TSHZ3: variants seen among roughly 807,000 people sequenced by gnomAD.
TSHZ3 encodes teashirt zinc finger homeobox 3, also known as teashirt homolog 3.
Under a neutral mutation model 64.5 loss-of-function variants are expected in TSHZ3, and 10 were observed. That is an observed-to-expected ratio of 0.16 (90% confidence interval 0.10 to 0.26). The LOEUF (loss-of-function observed/expected upper bound fraction) is 0.26. Ranked by LOEUF, TSHZ3 falls within the 10% of genes least tolerant of loss-of-function variation. The pLI, the probability that TSHZ3 is intolerant of heterozygous loss-of-function variation, is 1.00. For missense variants in TSHZ3, 1,242 were observed against 1,421.7 expected (o/e 0.87, Z 2.03); for synonymous variants, 608 against 593.1 (o/e 1.03, Z -0.36).
intron 4 of TSHZ3, among the ~76,000 whole-genome samples, chr19:31,218,515 T>C (rs571913139): frequency 1.3e-5 from 2 of 152,324 alleles, no homozygotes; most frequent in African/African-American, 2.4e-5. Context: ...AAACTAAATA[T>C]ACTCTTACCA....
intron 1 of TSHZ3, among the ~76,000 whole-genome samples, chr19:31,251,015 G>A (rs1050395039): frequency 6.6e-6 from 1 of 152,108 alleles, no homozygotes; most frequent in Non-Finnish European, 1.5e-5. Flanking sequence ...GGGAAGCTGA[G>A]GGTAGAGCCT....
chr19:31,224,687 G>A (rs1026168227), intron 4 of TSHZ3, among the ~76,000 whole-genome samples: 1 of 152,142 alleles, frequency 6.6e-6, no homozygotes, highest in Non-Finnish European at 1.5e-5. Context: ...TTGCTATTCA[G>A]CAGCCCCAGT....
At chr19:31,246,117 A>G (rs1256323281) in intron 1 of TSHZ3, among the ~76,000 whole-genome samples, 1 of 152,210 alleles carries the variant, frequency 6.6e-6, no homozygotes, top group Non-Finnish European at 1.5e-5. Context: ...AAAGTCTCCA[A>G]GAGTTTGTTT....
chr19:31,331,270 A>G (rs1214877363), intron 1 of TSHZ3, among the ~76,000 whole-genome samples: 1 of 152,184 alleles, frequency 6.6e-6, no homozygotes, highest in African/African-American at 2.4e-5. Context: ...AACCGCTCTC[A>G]TAGTAAGCAC....
intron 3 of TSHZ3, among the ~76,000 whole-genome samples, chr19:31,235,559 T>G (rs1350495118): frequency 6.6e-6 from 1 of 152,132 alleles, no homozygotes; most frequent in African/African-American, 2.4e-5. Context: ...TGTGTGTGTG[T>G]GTATCACATT....
At chr19:31,324,149 T>C (rs1027445333) in intron 1 of TSHZ3, among the ~76,000 whole-genome samples, 3 of 152,162 alleles carry the variant, frequency 2.0e-5, no homozygotes, top group Non-Finnish European at 4.4e-5. Flanking sequence ...CTACCATCAG[T>C]AGAGCAGGAA....
chr19:31,178,012 T>A (rs561790077), intron 5 of TSHZ3, among the ~76,000 whole-genome samples: 1 of 152,136 alleles, frequency 6.6e-6, no homozygotes, highest in Admixed American at 6.5e-5. Context: ...GTGTAGACAA[T>A]GGAGGCTAAC....
At chr19:31,190,373 A>C (rs1974884729) in intron 5 of TSHZ3, among the ~76,000 whole-genome samples, 1 of 152,208 alleles carries the variant, frequency 6.6e-6, no homozygotes, top group South Asian at 2.1e-4. Flanking sequence ...TGGGAGTCAT[A>C]GGAGATTTAT....
chr19:31,269,904 C>T (rs1014471133), intron 1 of TSHZ3, among the ~76,000 whole-genome samples: 1 of 152,182 alleles, frequency 6.6e-6, no homozygotes, highest in Non-Finnish European at 1.5e-5. Context: ...TCCCAGTACC[C>T]CCGCATGGAG....
chr19:31,255,342 G>A (rs961142620), intron 1 of TSHZ3, among the ~76,000 whole-genome samples: 1 of 152,132 alleles, frequency 6.6e-6, no homozygotes, highest in East Asian at 1.9e-4. Flanking sequence ...GCTGGAGTGG[G>A]AGGCAGCCTG....
intron 3 of TSHZ3, among the ~76,000 whole-genome samples, chr19:31,240,256 G>T (rs549293356): frequency 6.6e-6 from 1 of 152,114 alleles, no homozygotes; most frequent in African/African-American, 2.4e-5. Flanking sequence ...GAAAGCATTT[G>T]TTTATGTAGT....
chr19:31,157,099 C>A (rs574804283), intron 5 of TSHZ3, among the ~76,000 whole-genome samples: 1 of 137,226 alleles, frequency 7.3e-6, no homozygotes, highest in Non-Finnish European at 1.6e-5. Flanking sequence ...TCTAACCTGG[C>A]ATTTTTTTTT....
chr19:31,234,813 A>C (rs1264319310), intron 3 of TSHZ3, among the ~76,000 whole-genome samples: 1 of 152,180 alleles, frequency 6.6e-6, no homozygotes, highest in Non-Finnish European at 1.5e-5. Flanking sequence ...ATTGACCTGT[A>C]ATTTCCTTTC....
chr19:31,277,824 C>G lies in TSHZ3; in HGVS notation c.1969G>C (p.Glu657Gln). 1.9e-6 allele frequency: 3 copies of G among 1,565,412 alleles called. No homozygotes were observed. The highest frequency in any genetic ancestry group is 2.6e-6 in the Non-Finnish European group (3 of 1,157,666). ...CGGAAGCCCCCATCGCTGGATGCCT[C>G]CATCTTGATGGGTTCCCCGACTTCG... ...SSEVGEPIKM[E>Q]ASSDGGFRSQ... is the part of the protein sequence containing the mutation. The change falls in exon 2 of 2, where the codon GAG becomes CAG. Residue 657 changes from glutamate to glutamine, a missense_variant. Glu to Gln is a conservative substitution (Grantham distance 29, BLOSUM62 2). Around this residue, in one of 4 missense-constraint regions of TSHZ3, gnomAD observed 550 missense variants for 545.1 expected, o/e 1.01. Transcript: ENST00000240587. The surrounding 1 kb of genome is among the most constrained non-coding windows in gnomAD (Gnocchi z 4.5).
intron 5 of TSHZ3, among the ~76,000 whole-genome samples, chr19:31,194,298 C>T (rs999814513): frequency 7.2e-5 from 11 of 152,206 alleles, no homozygotes; most frequent in African/African-American, 2.7e-4. Flanking sequence ...TCCCCTCATG[C>T]TTCTGGCAGA....
intron 3 of TSHZ3, among the ~76,000 whole-genome samples, chr19:31,233,400 G>A (rs1423906672): frequency 6.6e-6 from 1 of 152,100 alleles, no homozygotes; most frequent in Non-Finnish European, 1.5e-5. Context: ...CTTCTTTTGT[G>A]AAATGCCTAT....
At chr19:31,269,347 C>T (rs964137579) in intron 1 of TSHZ3, among the ~76,000 whole-genome samples, 9 of 152,164 alleles carry the variant, frequency 5.9e-5, no homozygotes, top group Non-Finnish European at 1.3e-4. Context: ...TTTGCCGACT[C>T]GGTTTCATGG....
chr19:31,251,233 G>A (rs1975837195), intron 1 of TSHZ3, among the ~76,000 whole-genome samples: 1 of 152,170 alleles, frequency 6.6e-6, no homozygotes, highest in South Asian at 2.1e-4. Context: ...AGGGCAAGGA[G>A]TATGCAGATA....
At chr19:31,313,345 C>A (rs942927873) in intron 1 of TSHZ3, among the ~76,000 whole-genome samples, 2 of 152,206 alleles carry the variant, frequency 1.3e-5, no homozygotes, top group African/African-American at 4.8e-5. Flanking sequence ...TTGCAGTGAG[C>A]CATTATCAAT....
Sources: gnomAD v4.1 joint callset for allele counts (sites outside exome capture counted in the v4.1 genomes callset) on GRCh38, gnomAD v4.1.1 for gene constraint, gnomAD v4.1.1 regional missense constraint, Gnocchi (gnomAD v3.1) non-coding constraint, MANE v1.5 for transcripts, NCBI Gene and HGNC (gene_info 2026-07-23, HGNC 2026-07-21) for gene names.